The following COMP variants were observed in gnomAD, a reference collection of about 807,000 sequenced individuals.
COMP encodes cartilage oligomeric matrix protein.
Under a neutral mutation model 95.8 loss-of-function variants are expected in COMP, and 79 were observed. The ratio of observed to expected loss-of-function variants is 0.82; its 90% CI spans 0.69 to 0.99. The LOEUF is 0.99. Ranked by LOEUF, COMP falls within the 50% of genes least tolerant of loss-of-function variation. The pLI is 0.00. For missense variants in COMP, 906 were observed against 1,076.1 expected, an observed-to-expected ratio of 0.84 and a Z score of 2.21; for synonymous variants, 438 against 433.9, an observed-to-expected ratio of 1.01 and a Z score of -0.12.
At chr19:18,783,551 C>T (rs1020661463) in intron 17 of COMP, among the ~76,000 whole-genome samples, 2 of 151,984 alleles carry the variant, frequency 1.3e-5, no homozygotes, top group African/African-American at 4.8e-5. Context: ...AATTCCCAGA[C>T]TCAACTGACC....
In COMP at chr19:18,790,839, G is replaced by A; in HGVS notation, c.165+11C>T. 2 of 1,555,626 alleles carry A rather than the reference G, an allele frequency of 1.3e-6. No homozygotes were observed. The highest frequency in any genetic ancestry group is 8.7e-7 in the Non-Finnish European group (1 of 1,153,356). On this transcript the variant is annotated intron_variant, in intron 2 of 18. Transcript: ENST00000222271. ...CCCTGGCACTCCCTGCCCCGCACCC[G>A]GGCCCCGCACCTGCTGCCGCAGCAG...
chr19:18,785,871 T>G lies in COMP; in HGVS notation c.1490-20A>C. On this transcript the variant is annotated intron_variant, in intron 13 of 18. Coordinates refer to ENST00000222271, the MANE Select transcript of COMP (RefSeq NM_000095.3). ...CGTCCCCTGAGAGGTGGGAGACCCCTCGGTGGGCTAAAGTCAGGGCCCGCC... is the reference window on the plus strand; with the variant it reads ...CGTCCCCTGAGAGGTGGGAGACCCCGCGGTGGGCTAAAGTCAGGGCCCGCC... 2 of 1,609,092 alleles carry G rather than the reference T, an allele frequency of 1.2e-6. No individual in the cohort carries two copies.
At position 18,785,040 on chromosome 19, in the gene COMP, C is replaced by T. The variant is rs547781183; in HGVS notation, c.1770G>A (p.Thr590=). 39 of 1,614,092 alleles carry T rather than the reference C, an allele frequency of 2.4e-5. No individual in the cohort carries two copies. The South Asian group carries it at 3.5e-4, about 15-fold the overall frequency. ...AGCCCGCATAGTCGTCATCCGTGAC[C>T]GTGTTCACATGGAACGTGCCCTCGA... The part of the protein sequence containing the change: ...VDFEGTFHVN[T]VTDDDYAGFI... Residue 590 remains threonine (T), a synonymous_variant, in exon 16 of 19, where the codon ACG becomes ACA. Transcript: ENST00000222271.
At chr19:18,787,762 C>G in intron 9 of COMP, 112 bp from the exon 10 acceptor site, 2 of 1,464,104 alleles carry the variant, frequency 1.4e-6, no homozygotes, top group African/African-American at 2.8e-5. Context: ...CCTTTCGCCC[C>G]TCCTAGACCA....
chr19:18,785,587 A>G (rs2055159593), intron 14 of COMP, 41 bp from the exon 15 acceptor site: 2 of 1,613,732 alleles, frequency 1.2e-6, no homozygotes, highest in African/African-American at 2.7e-5. Flanking sequence ...GCTGGCCGTG[A>G]CAGCCCTAGG....
intron 15 of COMP, 124 bp from the exon 16 acceptor site, chr19:18,785,216 C>T: frequency 2.0e-6 from 2 of 1,019,540 alleles, no homozygotes; most frequent in Admixed American, 3.9e-5. Context: ...CATTCCCACT[C>T]GCAGAGCCCG....
chr19:18,783,504 C>T (rs547209298), intron 17 of COMP, among the ~76,000 whole-genome samples: 6 of 152,218 alleles, frequency 3.9e-5, no homozygotes, highest in Non-Finnish European at 7.3e-5. Context: ...GCTCTGTCAC[C>T]CAGGCTGGAG....
chr19:18,785,003 A>G lies in COMP; in HGVS notation c.1807T>C (p.Tyr603His), dbSNP rs1379515310. ...ACGTAGAAGCTGGAGCTGTCCTGGTAGCCAAAGATGAAGCCCGCATAGTCG... is the reference window on the plus strand; with the variant it reads ...ACGTAGAAGCTGGAGCTGTCCTGGTGGCCAAAGATGAAGCCCGCATAGTCG... ...DDDYAGFIFGYQDSSSFYVVM... is the reference protein window; with the variant it reads ...DDDYAGFIFGHQDSSSFYVVM... Residue 603 changes from tyrosine to histidine, a missense_variant, in exon 16 of 19, where the codon TAC becomes CAC. Physicochemically the swap from Tyr to His is moderately conservative, Grantham distance 83. Transcript: ENST00000222271. The G allele has an allele frequency of 1.9e-6, 3 of 1,614,110 alleles. No individual in the cohort carries two copies. In the Admixed American group the frequency reaches 5.0e-5, roughly 27 times the overall value.
At position 18,787,668 on chromosome 19, in the gene COMP, T is replaced by C; in HGVS notation, c.976-18A>G. On this transcript the variant is annotated intron_variant, in intron 9 of 18. Transcript: ENST00000222271. ...CAGTTGTCCTGGATGACAGGGTGGG[T>C]TAAGGGTGAGATCAGGTCGAGAAGG... The C allele has an allele frequency of 6.2e-7, 1 of 1,612,854 alleles. No homozygotes were observed. The highest frequency in any genetic ancestry group is 8.5e-7 in the Non-Finnish European group (1 of 1,179,946).
chr19:18,788,710 C>T lies in COMP; in HGVS notation c.644G>A (p.Gly215Asp), dbSNP rs1049944784. Residue 215 changes from glycine to aspartate, a missense_variant, in exon 7 of 19, where the codon GGC (glycine) becomes GAC (aspartate). Coordinates refer to ENST00000222271, the MANE Select transcript of COMP (RefSeq NM_000095.3). The surrounding 1 kb of genome is among the most constrained non-coding windows in gnomAD (Gnocchi z 4.7). ...QCGPCQPGFVGDQASGCQRRA... is the reference protein window; with the variant it reads ...QCGPCQPGFVDDQASGCQRRA... ...CCGCTGGCAGCCGGACGCCTGGTCG[C>T]CCACGAAGCCGGGCTGGCACGGGCC... 4 of 1,541,678 alleles carry T rather than the reference C, an allele frequency of 2.6e-6. No homozygotes were observed. The highest frequency in any genetic ancestry group is 2.0e-5 in the Admixed American group (1 of 50,774).
chr19:18,783,779 T>G, intron 17 of COMP, among the ~76,000 whole-genome samples: 1 of 152,062 alleles, frequency 6.6e-6, no homozygotes, highest in Non-Finnish European at 1.5e-5. Flanking sequence ...CTGGCTAATT[T>G]TTGTATTTTT....
At chr19:18,790,493 C>CTCTCTG in intron 3 of COMP, 69 bp downstream of exon 3, 5 of 1,594,226 alleles carry the variant, frequency 3.1e-6, no homozygotes, top group Non-Finnish European at 4.3e-6. Flanking sequence ...CTTTCCCTGG[C>CTCTCTG]TCTCTGTCTC....
At chr19:18,790,283 G>A (rs919888381) in intron 3 of COMP, among the ~76,000 whole-genome samples, 169 bp from the exon 4 acceptor site, 6 of 148,476 alleles carry the variant, frequency 4.0e-5, no homozygotes, top group African/African-American at 1.5e-4. Flanking sequence ...GAGGCTGCGC[G>A]CTCTGACCGC....
rs758202694 is a variant in COMP at position 18,788,920 on chromosome 19, G to A, written c.529-7C>T. Reference sequence around the variant, plus strand: ...CGTTGATGTCCGTGCAAACCTAGGGGAGGGGAACTCAGAGGTCACCACCCC... The same window carrying A: ...CGTTGATGTCCGTGCAAACCTAGGGAAGGGGAACTCAGAGGTCACCACCCC... On this transcript the variant is annotated splice_polypyrimidine_tract_variant and splice_region_variant and intron_variant, in intron 5 of 18. Transcript: ENST00000222271. The surrounding 1 kb of genome is among the most constrained non-coding windows in gnomAD (Gnocchi z 4.7). 1.9e-6 allele frequency: 3 copies of A among 1,613,122 alleles called. No homozygotes were observed. Among genetic ancestry groups the A allele is most frequent in the East Asian group, 2.2e-5 (1 of 44,854 alleles).
chr19:18,787,646 T>C lies in COMP; in HGVS notation c.980A>G (p.Asn327Ser). 6.2e-7 allele frequency: 1 copy of C among 1,613,782 alleles called. No individual in the cohort carries two copies. The highest frequency in any genetic ancestry group is 8.5e-7 in the Non-Finnish European group (1 of 1,180,014). The change falls in exon 10 of 19, where the codon AAC becomes AGC. Residue 327 changes from asparagine to serine, a missense_variant. Physicochemically the swap from Asn to Ser is conservative, Grantham distance 46. Transcript: ENST00000222271. Reference sequence around the variant, plus strand: ...GTCTGGGTTCCGCACCAGCGGGCAGTTGTCCTGGATGACAGGGTGGGTTAA... The same window carrying C: ...GTCTGGGTTCCGCACCAGCGGGCAGCTGTCCTGGATGACAGGGTGGGTTAA... ...DGDGVPNEKD[N>S]CPLVRNPDQR...
intron 15 of COMP, 48 bp downstream of exon 15, chr19:18,785,450 T>C (rs2055158318): frequency 2.5e-6 from 4 of 1,580,672 alleles, no homozygotes; most frequent in Middle Eastern, 4.1e-4. Flanking sequence ...CTGGCCCCTC[T>C]CCCTGAGCCC....
Position 18,789,133 on chromosome 19 carries a change from C to CA in COMP, c.528+26dup. The stretch of plus-strand genomic sequence containing the variant: ...ATGGACGCCCCCTTCCCTTCTGCTC[C>CA]AAAAATGGGGCCCCCACACCTCTCA... On this transcript the variant is annotated intron_variant, in intron 5 of 18. Coordinates refer to ENST00000222271, the MANE Select transcript of COMP (RefSeq NM_000095.3). This position sits in a 1 kb window ranked among gnomAD's most constrained non-coding sequence, Gnocchi z 6.1. 1 of 1,581,176 alleles carries CA rather than the reference C, an allele frequency of 6.3e-7. No individual in the cohort carries two copies. Among genetic ancestry groups the CA allele is most frequent in the South Asian group, 1.2e-5 (1 of 85,794 alleles).
Position 18,784,807 on chromosome 19 carries a change from T to TG in COMP, c.1914+88dup, listed in dbSNP as rs1181187804. 3.5e-6 allele frequency: 5 copies of TG among 1,447,914 alleles called. No individual in the cohort carries two copies. Among genetic ancestry groups the TG allele is most frequent in the South Asian group, 1.1e-5 (1 of 87,130 alleles). The allele number at this position is 1,447,914 out of a possible 1,614,324, so 89.7% of individuals were successfully genotyped here. A position where few individuals can be genotyped will look rare whatever the true frequency, so the allele number is the denominator to read the frequency against. Reference sequence around the variant, plus strand: ...GGTCCATAGTATGAGGCTAGGGGGCTGGGGGGCTCTAAGGGCTGTAAAGGG... The same window carrying TG: ...GGTCCATAGTATGAGGCTAGGGGGCTGGGGGGGCTCTAAGGGCTGTAAAGGG... On this transcript the variant is annotated intron_variant, in intron 16 of 18. Transcript: ENST00000222271. The surrounding 1 kb of genome is among the most constrained non-coding windows in gnomAD (Gnocchi z 4.9).
rs1422146420 is a variant in COMP at position 18,785,547 on chromosome 19, C to CT, written c.1669-2dup. 4 of 1,614,076 alleles carry CT rather than the reference C, an allele frequency of 2.5e-6. No homozygotes were observed. The highest frequency in any genetic ancestry group is 3.4e-6 in the Non-Finnish European group (4 of 1,180,034). ...TCATTGTCTGCACGATCTCCCTTCC[C>CT]TGATGGGGTCAAAGAAAGGAGGGCC... On this transcript the variant is annotated splice_acceptor_variant, in intron 14 of 18. Transcript: ENST00000222271. LOFTEE classifies it high-confidence loss of function.
Sources: allele counts gnomAD v4.1 joint callset (sites outside exome capture counted in the v4.1 genomes callset), GRCh38; gene constraint gnomAD v4.1.1; non-coding constraint Gnocchi (gnomAD v3.1); transcripts MANE v1.5; gene names NCBI Gene and HGNC (gene_info 2026-07-23, HGNC 2026-07-21).